Variants in ITPRID2 observed in about 807,000 individuals in gnomAD.
ITPRID2 encodes the protein protein ITPRID2.
In ITPRID2, 60 loss-of-function variants were observed where a neutral mutation model predicts 124.3. That is an observed-to-expected ratio of 0.48 (90% CI 0.39 to 0.60). The LOEUF is 0.60. Among genes scored for constraint, ITPRID2 ranks in the 20% least tolerant of loss-of-function variants. The pLI, the probability that ITPRID2 is intolerant of heterozygous loss-of-function variation, is 0.00. For synonymous variants in ITPRID2, 521 were observed against 542.9 expected (o/e 0.96, Z 0.56); for missense variants, 1,553 against 1,512.2 (o/e 1.03, Z -0.45).
chr2:181,899,836 A>G (rs1692517118), intron 6 of ITPRID2, among the ~76,000 whole-genome samples: 1 of 152,206 alleles, frequency 6.6e-6, no homozygotes, highest in South Asian at 2.1e-4. Flanking sequence ...TGTCTCAAAA[A>G]AGCCAAACAG....
Position 181,915,702 on chromosome 2 carries a change from A to G in ITPRID2, c.2062A>G (p.Met688Val), listed in dbSNP as rs999643683. 1.1e-5 allele frequency: 18 copies of G among 1,614,062 alleles called. No individual in the cohort carries two copies. Among genetic ancestry groups the G allele is most frequent in the Non-Finnish European group, 1.5e-5 (18 of 1,180,044 alleles). ...AAATACAACTGGGCCTCCCTCTTCC[A>G]TGGACAGAGTTAATACAGCTTTGCA... is the stretch of plus-strand genomic sequence containing the variant. ...SENTTGPPSS[M>V]DRVNTALQRA... is the part of the protein sequence containing the mutation. The change falls in exon 11 of 18, where the codon ATG becomes GTG. Residue 688 changes from methionine (M) to valine (V), a missense_variant. Physicochemically the swap from Met to Val is conservative, Grantham distance 21 (BLOSUM62 1). Coordinates refer to ENST00000431877, the MANE Select transcript of ITPRID2 (RefSeq NM_001130445.3).
rs547191961 is a variant in ITPRID2, at chr2:181,927,992, G to C, written c.3676-169G>C. Among the ~76,000 whole-genome samples the C allele has an allele frequency of 1.6e-4, 24 of 152,240 alleles. 2 individuals are homozygous for C. The South Asian group carries it at 5.0e-3, about 32-fold the overall frequency. On this transcript the variant is annotated intron_variant, in intron 16 of 17. Transcript: ENST00000431877. ...GACCAGTCCTTGGGAGTCTGATCTGGGTTGGATGATAGATGGACTCGATTC... is the reference window on the plus strand; with the variant it reads ...GACCAGTCCTTGGGAGTCTGATCTGCGTTGGATGATAGATGGACTCGATTC...
chr2:181,903,461 A>G (rs1042265326), intron 8 of ITPRID2, among the ~76,000 whole-genome samples: 1 of 152,208 alleles, frequency 6.6e-6, no homozygotes, highest in African/African-American at 2.4e-5. Flanking sequence ...AGAAAATGAA[A>G]TAATTGATTC....
At chr2:181,922,464 G>T (rs953569689) in intron 16 of ITPRID2, 52 bp downstream of exon 16, 101 of 1,409,934 alleles carry the variant, frequency 7.2e-5, no homozygotes, top group Non-Finnish European at 9.5e-5. Context: ...TGTTAGAGGA[G>T]ATTTTGTCTG....
chr2:181,912,474 G>A (rs1382584250), intron 9 of ITPRID2, among the ~76,000 whole-genome samples: 1 of 152,136 alleles, frequency 6.6e-6, no homozygotes, highest in Non-Finnish European at 1.5e-5. Flanking sequence ...CTATCAAAAT[G>A]ATATTACAAA....
rs1027432310 is a variant in ITPRID2 at position 181,891,770 on chromosome 2, G to A, written c.-297G>A. The A allele has an allele frequency of 3.0e-4, 55 of 186,298 alleles. No individual in the cohort carries two copies. In the South Asian group the frequency reaches 3.5e-3, roughly 12 times the overall value. 11.5% of individuals were successfully genotyped at this position (186,298 alleles called of 1,614,324 possible). A position where few individuals can be genotyped will look rare whatever the true frequency, so the allele number is the denominator to read the frequency against. ...GGCCTGCTCCGGGCGCGTCAGGCAG[G>A]GGGTGGGGAGCAGGGGCCGGGCGGG... On this transcript the variant is annotated 5_prime_UTR_variant, in exon 1 of 18. Coordinates refer to ENST00000431877, the MANE Select transcript of ITPRID2 (RefSeq NM_001130445.3).
intron 7 of ITPRID2, 91 bp downstream of exon 7, chr2:181,900,995 TA>T: frequency 2.0e-6 from 2 of 1,023,176 alleles, no homozygotes; most frequent in South Asian, 1.8e-5. Flanking sequence ...TTTTCAGGAA[TA>T]GCACTGGAAA....
At chr2:181,920,378 G>T (rs987488272) in intron 14 of ITPRID2, among the ~76,000 whole-genome samples, 3 of 152,096 alleles carry the variant, frequency 2.0e-5, no homozygotes, top group Non-Finnish European at 4.4e-5. Context: ...TTTGCATATT[G>T]TATCAGTTTT....
chr2:181,915,320 C>G lies in ITPRID2; in HGVS notation c.1680C>G (p.Asp560Glu). ...GEDLATPTAQ[D>E]QPYFNESEEE... The stretch of plus-strand genomic sequence containing the variant: ...ACCTTGCCACACCAACAGCACAAGA[C>G]CAGCCTTATTTTAATGAATCAGAGG... Residue 560 changes from aspartate (D) to glutamate (E), a missense_variant, in exon 11 of 18, where the codon GAC (aspartate) becomes GAG (glutamate). Physicochemically the swap from Asp to Glu is conservative, Grantham distance 45. Coordinates refer to ENST00000431877, the MANE Select transcript of ITPRID2 (RefSeq NM_001130445.3). 6.2e-7 allele frequency: 1 copy of G among 1,614,108 alleles called. No homozygotes were observed. The highest frequency in any genetic ancestry group is 8.5e-7 in the Non-Finnish European group (1 of 1,180,026).
chr2:181,901,923 C>T lies in ITPRID2; in HGVS notation c.870C>T (p.Asn290=), dbSNP rs749046124. 22 of 1,613,718 alleles carry T rather than the reference C, an allele frequency of 1.4e-5. 1 individual carries two copies. Among genetic ancestry groups the T allele is most frequent in the South Asian group, 3.3e-5 (3 of 91,078 alleles). ...CACCTCCACCTTTAACTCGAAGTAA[C>T]ACTGCAAATCGTTTAATGAAAACAC... ...TDPPPPLTRS[N]TANRLMKTLS... The change falls in exon 8 of 18, where the codon AAC becomes AAT. Residue 290 remains asparagine (N), a synonymous_variant. Transcript: ENST00000431877.
At position 181,902,206 on chromosome 2, in the gene ITPRID2, A is replaced by AGAG. The variant is rs1692724618; in HGVS notation, c.1154_1155insAGG (p.Ser385delinsArgGly). 6.2e-7 allele frequency: 1 copy of AGAG among 1,613,678 alleles called. No individual in the cohort carries two copies. The highest frequency in any genetic ancestry group is 1.1e-5 in the South Asian group (1 of 90,992). On this transcript the variant is annotated protein_altering_variant, in exon 8 of 18. Transcript: ENST00000431877. The surrounding 1 kb of genome is among the most constrained non-coding windows in gnomAD (Gnocchi z 4.4). ...TGATAGAATTTCTGATGAAGCAAAT[A>AGAG]GTAATTTTAACCAAGGAACTGAAAA...
rs1691870218 is a variant in ITPRID2 at position 181,892,808 on chromosome 2, T to C, written c.257+148T>C. On this transcript the variant is annotated intron_variant, in intron 2 of 17. Transcript: ENST00000431877. The surrounding 1 kb of genome is among the most constrained non-coding windows in gnomAD (Gnocchi z 5.2). ...TGAGCCGGCGGATAGCTTCCTCCTCTAAGCGATTAGAAATGGAAGTGCTGT... is the reference window on the plus strand; with the variant it reads ...TGAGCCGGCGGATAGCTTCCTCCTCCAAGCGATTAGAAATGGAAGTGCTGT... The C allele has an allele frequency of 2.3e-6, 2 of 852,550 alleles. No homozygotes were observed. The highest frequency in any genetic ancestry group is 3.7e-6 in the Non-Finnish European group (2 of 537,432). The allele number at this position is 852,550 out of a possible 1,614,324, so 52.8% of individuals were successfully genotyped here.
At chr2:181,904,301 A>G (rs1692920194) in intron 8 of ITPRID2, among the ~76,000 whole-genome samples, 1 of 152,176 alleles carries the variant, frequency 6.6e-6, no homozygotes, top group South Asian at 2.1e-4. Flanking sequence ...GTACAAGATT[A>G]CATGCATTGG....
chr2:181,921,477 C>CAA (rs200469189), intron 15 of ITPRID2, among the ~76,000 whole-genome samples: 1 of 138,356 alleles, frequency 7.2e-6, no homozygotes, highest in African/African-American at 2.7e-5. Flanking sequence ...GACTCCATCT[C>CAA]AAAAAAAAAA....
intron 15 of ITPRID2, 58 bp from the exon 16 acceptor site, chr2:181,921,890 T>A: frequency 6.7e-7 from 1 of 1,492,574 alleles, no homozygotes; most frequent in Admixed American, 2.0e-5. Context: ...ACTTTAACCT[T>A]TTTAGCTACC....
chr2:181,898,578 T>C (rs1294070554), intron 4 of ITPRID2, among the ~76,000 whole-genome samples: 2 of 152,124 alleles, frequency 1.3e-5, no homozygotes, highest in African/African-American at 2.4e-5. Flanking sequence ...TCATTACTTA[T>C]TTCTAACCTG....
Position 181,922,217 on chromosome 2 carries a change from T to C in ITPRID2, c.3480T>C (p.Pro1160=), listed in dbSNP as rs1694529141. 2.5e-6 allele frequency: 4 copies of C among 1,614,138 alleles called. No individual in the cohort carries two copies. The highest frequency in any genetic ancestry group is 3.4e-6 in the Non-Finnish European group (4 of 1,180,054). Residue 1160 remains proline, a synonymous_variant, in exon 16 of 18, where the codon CCT becomes CCC. Transcript: ENST00000431877. ...RASVALTPTA[P]SRTGSVQTPP... ...CGGTGGCTCTAACGCCAACAGCTCCTTCTAGAACAGGCTCTGTGCAGACAC... is the reference window on the plus strand; with the variant it reads ...CGGTGGCTCTAACGCCAACAGCTCCCTCTAGAACAGGCTCTGTGCAGACAC...
chr2:181,891,770 G>T lies in ITPRID2; in HGVS notation c.-297G>T, dbSNP rs1027432310. 15 of 186,298 alleles carry T rather than the reference G, an allele frequency of 8.1e-5. No homozygotes were observed. Among genetic ancestry groups the T allele is most frequent in the East Asian group, 5.5e-4 (4 of 7,280 alleles). The allele number at this position is 186,298 out of a possible 1,614,324, so 11.5% of individuals were successfully genotyped here. A position where few individuals can be genotyped will look rare whatever the true frequency, so the allele number is the denominator to read the frequency against. On this transcript the variant is annotated 5_prime_UTR_variant, in exon 1 of 18. Transcript: ENST00000431877. The stretch of plus-strand genomic sequence containing the variant: ...GGCCTGCTCCGGGCGCGTCAGGCAG[G>T]GGGTGGGGAGCAGGGGCCGGGCGGG...
chr2:181,911,469 C>T (rs1693599525), intron 9 of ITPRID2, among the ~76,000 whole-genome samples: 1 of 152,086 alleles, frequency 6.6e-6, no homozygotes, highest in African/African-American at 2.4e-5. Flanking sequence ...CAACATTTTT[C>T]TTATTAAAGA....
Sources: gnomAD v4.1 joint callset for allele counts (sites outside exome capture counted in the v4.1 genomes callset) on GRCh38, gnomAD v4.1.1 for gene constraint, Gnocchi (gnomAD v3.1) non-coding constraint, MANE v1.5 for transcripts, NCBI Gene and HGNC (gene_info 2026-07-23, HGNC 2026-07-21) for gene names.